Variants in RXFP2 observed in about 807,000 individuals in gnomAD.
RXFP2 encodes relaxin family peptide receptor 2.
Under a neutral mutation model 88.6 loss-of-function variants are expected in RXFP2, and 68 were observed. The ratio of observed to expected loss-of-function variants is 0.77; its 90% confidence interval spans 0.63 to 0.94. RXFP2 has a LOEUF of 0.94. RXFP2 is among the 40% of genes least tolerant of loss of function. The pLI, the probability that RXFP2 is intolerant of heterozygous loss-of-function variation, is 0.00. For missense variants in RXFP2, 791 were observed against 893.9 expected (o/e 0.88, Z 1.47); for synonymous variants, 329 against 306.8 (o/e 1.07, Z -0.76).
In RXFP2 at chr13:31,776,253, C is replaced by CTTT. The variant is rs149978498; in HGVS notation, c.641+882_641+884dup. Among the ~76,000 whole-genome samples the CTTT allele has an allele frequency of 6.4e-3, 536 of 84,384 alleles. 48 individuals are homozygous for CTTT. Among genetic ancestry groups the CTTT allele is most frequent in the African/African-American group, 0.023 (473 of 20,726 alleles). The allele number at this position is 84,384 out of a possible 152,430, so 55.4% of individuals were successfully genotyped here. ...TCCTTTTTTCCTTCCCTCTTTCCTT[C>CTTT]TTTTTTTTTTTTTTTTTTTTGAGAC... On this transcript the variant is annotated intron_variant, in intron 7 of 17. Coordinates refer to ENST00000298386, the MANE Select transcript of RXFP2 (RefSeq NM_130806.5).
intron 17 of RXFP2, among the ~76,000 whole-genome samples, chr13:31,800,535 G>C (rs1335438544): frequency 2.6e-5 from 4 of 152,224 alleles, no homozygotes; most frequent in Non-Finnish European, 5.9e-5. Flanking sequence ...TCGTGCCACT[G>C]CACTCCAGCC....
Position 31,765,029 on chromosome 13 carries a change from C to T in RXFP2, c.320-8C>T, listed in dbSNP as rs779409172. 2.1e-6 allele frequency: 3 copies of T among 1,461,216 alleles called. No individual in the cohort carries two copies. The highest frequency in any genetic ancestry group is 2.9e-6 in the Non-Finnish European group (3 of 1,041,302). The allele number at this position is 1,461,216 out of a possible 1,614,324, so 90.5% of individuals were successfully genotyped here. ...ACTAGTGAAATCTTACTCTTTTTGTCCCATTAGTTCTAAAACAGTATCCAC... is the reference window on the plus strand; with the variant it reads ...ACTAGTGAAATCTTACTCTTTTTGTTCCATTAGTTCTAAAACAGTATCCAC... On this transcript the variant is annotated splice_region_variant and splice_polypyrimidine_tract_variant and intron_variant, in intron 3 of 17. Transcript: ENST00000298386.
intron 11 of RXFP2, among the ~76,000 whole-genome samples, chr13:31,785,744 TA>T (rs1873505553): frequency 6.6e-6 from 1 of 152,136 alleles, no homozygotes; most frequent in South Asian, 2.1e-4. Context: ...TCTGGACTCT[TA>T]AAGATTCATT....
chr13:31,788,320 CA>C (rs999682441), intron 13 of RXFP2, among the ~76,000 whole-genome samples: 2 of 151,960 alleles, frequency 1.3e-5, no homozygotes, highest in African/African-American at 4.8e-5. Flanking sequence ...TCGGATTAGT[CA>C]AAAAGAAACC....
chr13:31,790,470 A>G (rs1264290233), intron 14 of RXFP2, among the ~76,000 whole-genome samples: 4 of 152,214 alleles, frequency 2.6e-5, no homozygotes, highest in Admixed American at 2.6e-4. Context: ...GAAGGCAAGA[A>G]TTGCCTCCTG....
intron 5 of RXFP2, among the ~76,000 whole-genome samples, chr13:31,770,670 A>G (rs1872702518): frequency 6.6e-6 from 1 of 152,174 alleles, no homozygotes; most frequent in Admixed American, 6.5e-5. Context: ...AACTAGATAC[A>G]CATTTTTATT....
intron 10 of RXFP2, among the ~76,000 whole-genome samples, chr13:31,781,952 G>A (rs1873303976): frequency 1.3e-5 from 2 of 152,004 alleles, no homozygotes; most frequent in African/African-American, 4.8e-5. Flanking sequence ...GACATCATGT[G>A]CCATCTTTAT....
At chr13:31,759,543 T>A (rs1239025328) in intron 2 of RXFP2, among the ~76,000 whole-genome samples, 1 of 151,586 alleles carries the variant, frequency 6.6e-6, no homozygotes, top group Non-Finnish European at 1.5e-5. Flanking sequence ...TGTTTGATGG[T>A]GTGTGGCTCA....
rs78602432 is a variant in RXFP2, at chr13:31,756,253, A to G, written c.95-2005A>G. On this transcript the variant is annotated intron_variant, in intron 1 of 17. Transcript: ENST00000298386. ...CATTTGCTTGAAGGGCTCAGGCCTC[A>G]CAAGAGCATTTTCCCAAGAACCAAA... Among the ~76,000 whole-genome samples the G allele has an allele frequency of 4.8e-3, 725 of 152,330 alleles. 4 individuals are homozygous for G. Among genetic ancestry groups the G allele is most frequent in the Non-Finnish European group, 6.9e-3 (468 of 68,014 alleles).
rs372399473 is a variant in RXFP2 at position 31,749,922 on chromosome 13, G to A, written c.95-8336G>A. ...ACAATGAATAGATATAGTAATAGTG[G>A]ACATCATCAGTCTCAAAGGGAAACC... On this transcript the variant is annotated intron_variant, in intron 1 of 17. Transcript: ENST00000298386. 9.2e-5 allele frequency among the ~76,000 whole-genome samples: 14 copies of A among 152,218 alleles called. No individual in the cohort carries two copies. The East Asian group carries it at 1.9e-3, about 21-fold the overall frequency.
chr13:31,774,489 C>T (rs946676149), intron 5 of RXFP2, 131 bp from the exon 6 acceptor site: 4 of 697,462 alleles, frequency 5.7e-6, no homozygotes, highest in Admixed American at 2.0e-5. Context: ...AACATCTCCC[C>T]AACATGAGAA....
chr13:31,765,930 G>A (rs1412778362), intron 4 of RXFP2, 26 bp from the exon 5 acceptor site: 8 of 1,180,390 alleles, frequency 6.8e-6, no homozygotes, highest in Middle Eastern at 3.8e-4. Flanking sequence ...AATCCATAAT[G>A]AAGTTTGCTT....
Position 31,778,575 on chromosome 13 carries a change from C to G in RXFP2, c.777C>G (p.Leu259=), listed in dbSNP as rs368665715. The G allele has an allele frequency of 9.0e-5, 145 of 1,605,918 alleles. No homozygotes were observed. Among genetic ancestry groups the G allele is most frequent in the Non-Finnish European group, 1.2e-4 (139 of 1,172,804 alleles). ...PKQMCAQMPQ[L]NWVDLEGNRI... is the part of the protein sequence containing the mutation. ...AGATGTGTGCCCAAATGCCTCAACTCAACTGGGTGTGAGTATTTATTTAGG... is the reference window on the plus strand; with the variant it reads ...AGATGTGTGCCCAAATGCCTCAACTGAACTGGGTGTGAGTATTTATTTAGG... Residue 259 remains leucine, a synonymous_variant, in exon 9 of 18, where the codon CTC becomes CTG. Coordinates refer to ENST00000298386, the MANE Select transcript of RXFP2 (RefSeq NM_130806.5).
intron 17 of RXFP2, among the ~76,000 whole-genome samples, chr13:31,799,867 C>T (rs1278449372): frequency 2.0e-5 from 3 of 152,156 alleles, no homozygotes; most frequent in Admixed American, 6.5e-5. Flanking sequence ...TCACAGGAGG[C>T]GTCCGCTCTG....
Position 31,739,639 on chromosome 13 carries a change from T to C in RXFP2, c.27T>C (p.His9=). 5 of 1,607,096 alleles carry C rather than the reference T, an allele frequency of 3.1e-6. No homozygotes were observed. Among genetic ancestry groups the C allele is most frequent in the African/African-American group, 1.3e-5 (1 of 74,884 alleles). ...TGATTGTTTTTCTGGTTTTTAAACA[T>C]CTCTTCAGCCTCAGATTGATTACAA... is the stretch of plus-strand genomic sequence containing the variant. MIVFLVFK[H]LFSLRLITMF... The change falls in exon 1 of 18, where the codon CAT becomes CAC. Residue 9 remains histidine (H), a synonymous_variant. Transcript: ENST00000298386.
intron 5 of RXFP2, among the ~76,000 whole-genome samples, chr13:31,768,446 C>A (rs1040390648): frequency 1.3e-5 from 2 of 152,134 alleles, no homozygotes; most frequent in African/African-American, 4.8e-5. Context: ...GCTTTGATCT[C>A]CAAAGTCTGT....
chr13:31,798,085 C>T (rs1475306273), intron 17 of RXFP2, among the ~76,000 whole-genome samples: 2 of 152,174 alleles, frequency 1.3e-5, no homozygotes, highest in East Asian at 1.9e-4. Flanking sequence ...CCTACTGTTC[C>T]AGCCGATAGC....
At chr13:31,767,332 G>A (rs1318681913) in intron 5 of RXFP2, among the ~76,000 whole-genome samples, 1 of 152,170 alleles carries the variant, frequency 6.6e-6, no homozygotes, top group African/African-American at 2.4e-5. Flanking sequence ...AAGTATGTGG[G>A]TATGTGGTCA....
chr13:31,757,809 A>G (rs1566217263), intron 1 of RXFP2, among the ~76,000 whole-genome samples: 1 of 152,116 alleles, frequency 6.6e-6, no homozygotes, highest in Non-Finnish European at 1.5e-5. Context: ...AAATGTTATC[A>G]TTGGCCAGGC....
Sources: allele counts gnomAD v4.1 joint callset (sites outside exome capture counted in the v4.1 genomes callset), GRCh38; gene constraint gnomAD v4.1.1; transcripts MANE v1.5; gene names NCBI Gene and HGNC (gene_info 2026-07-23, HGNC 2026-07-21).